Variants in PCDHA2 observed in about 807,000 individuals in gnomAD.
PCDHA2 encodes protocadherin alpha-2.
In PCDHA2, 58 loss-of-function variants were observed where a neutral mutation model predicts 66.0. The ratio of observed to expected loss-of-function variants is 0.88; its 90% CI spans 0.71 to 1.09. PCDHA2 has a LOEUF of 1.09. Ranked by LOEUF, PCDHA2 falls within the 50% of genes least tolerant of loss-of-function variation. PCDHA2 has a pLI of 0.00. For missense variants in PCDHA2, 1,267 were observed against 1,242.3 expected (o/e 1.02, Z -0.30); for synonymous variants, 634 against 554.0 (o/e 1.14, Z -2.03).
At chr5:140,808,873 G>A in intron 1 of PCDHA2, 3 of 1,613,078 alleles carry the variant, frequency 1.9e-6, no homozygotes, top group Non-Finnish European at 2.5e-6. Context: ...ACGACAACGC[G>A]CCAGCACTGC....
Position 140,842,564 on chromosome 5 carries a change from C to G in PCDHA2, c.2388+45212C>G, listed in dbSNP as rs2150339268. 40 of 1,500,320 alleles carry G rather than the reference C, an allele frequency of 2.7e-5. 2 individuals carry two copies. In the East Asian group the frequency reaches 6.6e-4, roughly 25 times the overall value. The allele number at this position is 1,500,320 out of a possible 1,614,324, so 92.9% of individuals were successfully genotyped here. A position where few individuals can be genotyped will look rare whatever the true frequency, so the allele number is the denominator to read the frequency against. On this transcript the variant is annotated intron_variant, in intron 1 of 3. Transcript: ENST00000526136. ...GTTGGTGCTGGACAGCGCCCTGGAC[C>G]GCGAGAGAGTGTCGGCCTATGAGTT...
chr5:140,804,890 C>A, intron 1 of PCDHA2: 3 of 665,622 alleles, frequency 4.5e-6, no homozygotes, highest in Non-Finnish European at 6.9e-6. Flanking sequence ...TCCTCTCCTT[C>A]CCCTCACTTC....
intron 1 of PCDHA2, among the ~76,000 whole-genome samples, chr5:140,959,620 G>GA (rs1247214459): frequency 4.6e-5 from 7 of 151,966 alleles, no homozygotes; most frequent in African/African-American, 1.4e-4. Context: ...GCTTGTGATA[G>GA]AAAAAAAGAG....
At chr5:140,877,095 C>T in intron 1 of PCDHA2, 1 of 1,613,330 alleles carries the variant, frequency 6.2e-7, no homozygotes, top group Non-Finnish European at 8.5e-7. Context: ...GCGACGCCGG[C>T]GTGCCGCCTC....
At position 140,808,881 on chromosome 5, in the gene PCDHA2, T is replaced by C. The variant is rs1344157467; in HGVS notation, c.2388+11529T>C. On this transcript the variant is annotated intron_variant, in intron 1 of 3. Coordinates refer to ENST00000526136, the MANE Select transcript of PCDHA2 (RefSeq NM_018905.3). The stretch of plus-strand genomic sequence containing the variant: ...GACGAAAACGACAACGCGCCAGCAC[T>C]GCTAGCGCCTCGGGCGGGTGGCACT... The C allele has an allele frequency of 6.2e-7, 1 of 1,613,314 alleles. No homozygotes were observed. The highest frequency in any genetic ancestry group is 8.5e-7 in the Non-Finnish European group (1 of 1,179,880).
intron 1 of PCDHA2, chr5:140,851,314 C>G (rs1276562311): frequency 1.0e-6 from 1 of 997,874 alleles, no homozygotes; most frequent in Non-Finnish European, 1.2e-6. Context: ...CAATTGTTAC[C>G]TTGTTAAGTT....
chr5:140,968,328 A>AT (rs1554230627), intron 1 of PCDHA2: 1 of 1,614,076 alleles, frequency 6.2e-7, no homozygotes, highest in South Asian at 1.1e-5. Flanking sequence ...GTCACCTCCT[A>AT]TGTCTCCATT....
intron 1 of PCDHA2, among the ~76,000 whole-genome samples, chr5:140,939,276 C>T (rs146183157): frequency 6.6e-6 from 1 of 152,174 alleles, no homozygotes; most frequent in Non-Finnish European, 1.5e-5. Flanking sequence ...GAGAGCTGTG[C>T]CCTCGTGATC....
chr5:140,798,322 T>C (rs576028164), intron 1 of PCDHA2, among the ~76,000 whole-genome samples: 49 of 152,344 alleles, frequency 3.2e-4, no homozygotes, highest in African/African-American at 1.1e-3. Flanking sequence ...AACCCATTAT[T>C]TGGTATAAAG....
intron 3 of PCDHA2, among the ~76,000 whole-genome samples, chr5:141,001,895 G>T (rs1390745542): frequency 3.9e-5 from 6 of 152,208 alleles, no homozygotes; most frequent in Non-Finnish European, 8.8e-5. Context: ...AGAAATCGGG[G>T]CTGTTTGAAA....
At chr5:140,824,610 G>GTTGT (rs1768193318) in intron 1 of PCDHA2, 2 of 95,104 alleles carry the variant, frequency 2.1e-5, no homozygotes, top group African/African-American at 9.7e-5. Flanking sequence ...GCTAATTAAA[G>GTTGT]TTTTTTTTTT....
rs1195696269 is a variant in PCDHA2, at chr5:141,010,821, TTTG to T, written c.*890_*892del. ...AACCCCGACACCTCACCTTTCGCTG[TTTG>T]TTGTTTCATAGATTTATTTAAAAAA... is the stretch of plus-strand genomic sequence containing the variant. On this transcript the variant is annotated 3_prime_UTR_variant, in exon 4 of 4. Coordinates refer to ENST00000526136, the MANE Select transcript of PCDHA2 (RefSeq NM_018905.3). 3 of 153,772 alleles carry T rather than the reference TTTG, an allele frequency of 2.0e-5. No individual in the cohort carries two copies. The highest frequency in any genetic ancestry group is 4.4e-5 in the Non-Finnish European group (3 of 68,048). 9.5% of individuals were successfully genotyped at this position (153,772 alleles called of 1,614,324 possible).
At chr5:140,812,561 T>A (rs1311819080) in intron 1 of PCDHA2, 1 of 152,190 alleles carries the variant, frequency 6.6e-6, no homozygotes, top group African/African-American at 2.4e-5. Flanking sequence ...GTTGTTAAGT[T>A]TTTTATTTGA....
chr5:140,925,208 T>C (rs1201764361), intron 1 of PCDHA2, among the ~76,000 whole-genome samples: 2 of 152,190 alleles, frequency 1.3e-5, no homozygotes, highest in African/African-American at 4.8e-5. Context: ...TAATTATCGA[T>C]ACTTTTAGGC....
chr5:140,833,596 T>C (rs1772537859), intron 1 of PCDHA2, among the ~76,000 whole-genome samples: 2 of 152,316 alleles, frequency 1.3e-5, no homozygotes, highest in South Asian at 4.1e-4. Context: ...TATATATAGA[T>C]TCTGCTAAAG....
intron 1 of PCDHA2, among the ~76,000 whole-genome samples, chr5:140,831,556 T>C (rs1258339149): frequency 6.8e-6 from 1 of 147,678 alleles, no homozygotes; most frequent in Non-Finnish European, 1.5e-5. Context: ...AGAGATGGGG[T>C]TTCTCCATGT....
chr5:140,895,166 C>T (rs1319581978), intron 1 of PCDHA2, among the ~76,000 whole-genome samples: 1 of 152,138 alleles, frequency 6.6e-6, no homozygotes, highest in Non-Finnish European at 1.5e-5. Context: ...ACAATCCAAT[C>T]TATTTGTAGT....
Position 140,875,563 on chromosome 5 carries a change from C to T in PCDHA2, c.2388+78211C>T, listed in dbSNP as rs1554167760. The T allele has an allele frequency of 3.1e-6, 5 of 1,614,014 alleles. No homozygotes were observed. The Admixed American group carries it at 8.3e-5, about 27-fold the overall frequency. ...AGCCTGGGAGGTGGGGAGCGGCCAG[C>T]TCCACTACTCCGTCTACGAGGAGGC... On this transcript the variant is annotated intron_variant, in intron 1 of 3. Transcript: ENST00000526136.
At chr5:140,848,454 G>A in intron 1 of PCDHA2, 1 of 1,522,350 alleles carries the variant, frequency 6.6e-7, no homozygotes, top group South Asian at 1.2e-5. Context: ...CTTCTAATTT[G>A]GAGGCAATTT....
Sources: allele counts gnomAD v4.1 joint callset (sites outside exome capture counted in the v4.1 genomes callset), GRCh38; gene constraint gnomAD v4.1.1; transcripts MANE v1.5; gene names NCBI Gene and HGNC (gene_info 2026-07-23, HGNC 2026-07-21).